Variants in MLIP observed in about 807,000 individuals in gnomAD.
MLIP encodes muscular LMNA-interacting protein.
Under a neutral mutation model 84.8 loss-of-function variants are expected in MLIP, and 79 were observed. The observed-to-expected ratio is 0.93, with a 90% CI of 0.78 to 1.12. The LOEUF (loss-of-function observed/expected upper bound fraction) is 1.12. Ranked by LOEUF, MLIP falls within the 50% of genes most tolerant of loss-of-function variation. The probability of loss-of-function intolerance (pLI) is 0.00; values close to 1 mark genes in which losing one functional copy is unlikely to be tolerated. For missense variants in MLIP, 1,257 were observed against 1,160.6 expected, an observed-to-expected ratio of 1.08 and a Z score of -1.21; for synonymous variants, 504 against 463.0, an observed-to-expected ratio of 1.09 and a Z score of -1.14.
In MLIP at chr6:54,169,509, T is replaced by A; in HGVS notation, c.2500-19T>A. 1 of 1,555,734 alleles carries A rather than the reference T, an allele frequency of 6.4e-7. No individual in the cohort carries two copies. The highest frequency in any genetic ancestry group is 8.7e-7 in the Non-Finnish European group (1 of 1,150,318). On this transcript the variant is annotated intron_variant, in intron 8 of 13. Transcript: ENST00000502396. ...TACTTTATTATTTCAGATGTATAAT[T>A]GTTTTTATTTTCATACAGACTCCTA...
At chr6:54,175,727 G>C (rs933855983) in intron 9 of MLIP, among the ~76,000 whole-genome samples, 1 of 151,792 alleles carries the variant, frequency 6.6e-6, no homozygotes, top group African/African-American at 2.4e-5. Flanking sequence ...TTCCAATTTA[G>C]GTGCCCTTTA....
intron 1 of MLIP, among the ~76,000 whole-genome samples, chr6:54,078,254 C>T (rs1460369291): frequency 6.6e-6 from 1 of 152,204 alleles, no homozygotes; most frequent in Non-Finnish European, 1.5e-5. Flanking sequence ...ATAACTTAAG[C>T]AGTTCTCTAG....
chr6:54,088,297 C>T (rs1767632860), intron 1 of MLIP, among the ~76,000 whole-genome samples: 2 of 152,030 alleles, frequency 1.3e-5, no homozygotes, highest in Non-Finnish European at 2.9e-5. Flanking sequence ...GTGGGAGCAC[C>T]AATGGATAAA....
Position 54,160,747 on chromosome 6 carries a change from C to G in MLIP, c.2447C>G (p.Ser816Cys), listed in dbSNP as rs141526731. Residue 816 changes from serine (S) to cysteine (C), a missense_variant, in exon 8 of 14, where the codon TCT becomes TGT. Coordinates refer to ENST00000502396, the MANE Select transcript of MLIP (RefSeq NM_001281747.2). ...VLQDSLSMHS[S>C]DSPSRSPKTL... ...CCTTTCTTTTTTTTTCAGCATTCTT[C>G]TGATTCTCCTTCAAGGTCCCCAAAG... 2,416 of 1,586,358 alleles carry G rather than the reference C, an allele frequency of 1.5e-3. 34 individuals carry two copies. In the African/African-American group the frequency reaches 0.027, roughly 18 times the overall value.
At chr6:54,161,573 T>C (rs2150566011) in intron 8 of MLIP, among the ~76,000 whole-genome samples, 1 of 152,042 alleles carries the variant, frequency 6.6e-6, no homozygotes, top group South Asian at 2.1e-4. Context: ...GCCTTATTTA[T>C]TTATTTCCTT....
At chr6:54,141,285 T>G (rs1772273413) in intron 4 of MLIP, among the ~76,000 whole-genome samples, 1 of 151,562 alleles carries the variant, frequency 6.6e-6, no homozygotes, top group African/African-American at 2.4e-5. Context: ...TTAGATAGGA[T>G]GGGCATCTGA....
chr6:54,210,742 A>AAAG (rs2150740708), intron 11 of MLIP, among the ~76,000 whole-genome samples: 1 of 151,884 alleles, frequency 6.6e-6, no homozygotes, highest in African/African-American at 2.4e-5. Context: ...AAAAAAAAAA[A>AAAG]AAAATGTTCT....
chr6:54,205,156 C>T (rs1778950426), intron 11 of MLIP, among the ~76,000 whole-genome samples: 1 of 152,190 alleles, frequency 6.6e-6, no homozygotes, highest in African/African-American at 2.4e-5. Context: ...CAAAACAGCT[C>T]TCAAGGGTAG....
intron 9 of MLIP, among the ~76,000 whole-genome samples, chr6:54,174,340 C>T (rs1240299043): frequency 6.6e-6 from 1 of 151,750 alleles, no homozygotes; most frequent in Non-Finnish European, 1.5e-5. Context: ...AGTGGTCGTA[C>T]TAATTGGTGG....
intron 9 of MLIP, among the ~76,000 whole-genome samples, chr6:54,180,307 GGT>G (rs1776724827): frequency 6.6e-6 from 1 of 151,810 alleles, no homozygotes; most frequent in Admixed American, 6.6e-5. Flanking sequence ...ATCTTCCTTG[GGT>G]TAAATCTTCC....
In MLIP at chr6:54,244,543, A is replaced by G. The variant is rs867078316; in HGVS notation, c.2923-12765A>G. On this transcript the variant is annotated intron_variant, in intron 12 of 13. Coordinates refer to ENST00000502396, the MANE Select transcript of MLIP (RefSeq NM_001281747.2). ...AAAAAATGAATGTCAATGAGCAGAT[A>G]TTTTAAGAGAAGTGGTTTTGCAAAA... 3.3e-4 allele frequency among the ~76,000 whole-genome samples: 51 copies of G among 152,320 alleles called. 1 individual carries two copies. Among genetic ancestry groups the G allele is most frequent in the African/African-American group, 1.1e-3 (46 of 41,572 alleles).
chr6:54,073,883 A>G (rs1766635020), intron 1 of MLIP, among the ~76,000 whole-genome samples: 1 of 152,230 alleles, frequency 6.6e-6, no homozygotes, highest in Admixed American at 6.5e-5. Flanking sequence ...TTCACTTATT[A>G]TATTTAATTA....
intron 11 of MLIP, among the ~76,000 whole-genome samples, chr6:54,219,243 A>T (rs1780057965): frequency 6.6e-6 from 1 of 151,566 alleles, no homozygotes; most frequent in South Asian, 2.1e-4. Flanking sequence ...AAAAATAAAA[A>T]TAAAAAGATA....
intron 1 of MLIP, among the ~76,000 whole-genome samples, chr6:54,081,702 C>T (rs1224011839): frequency 6.6e-6 from 1 of 152,098 alleles, no homozygotes; most frequent in African/African-American, 2.4e-5. Context: ...CGTGAGGCAC[C>T]GCGCCCGGCC....
intron 9 of MLIP, among the ~76,000 whole-genome samples, chr6:54,188,685 G>T (rs144059505): frequency 0.012 from 1,893 of 152,160 alleles, 46 homozygotes; most frequent in African/African-American, 0.042. Flanking sequence ...TCAATAACTA[G>T]AGCTTAGATA....
chr6:54,253,365 T>TA (rs1782771969), intron 12 of MLIP, among the ~76,000 whole-genome samples: 1 of 152,032 alleles, frequency 6.6e-6, no homozygotes, highest in African/African-American at 2.4e-5. Flanking sequence ...TGGTTGAACA[T>TA]AAAAGCAATC....
chr6:54,139,394 C>T (rs564462698), intron 4 of MLIP, among the ~76,000 whole-genome samples: 1 of 151,902 alleles, frequency 6.6e-6, no homozygotes, highest in South Asian at 2.1e-4. Flanking sequence ...TCAGGCCTGT[C>T]GGAAATATTT....
chr6:54,218,549 T>C (rs1780000739), intron 11 of MLIP, among the ~76,000 whole-genome samples: 2 of 152,110 alleles, frequency 1.3e-5, no homozygotes, highest in African/African-American at 4.8e-5. Context: ...AGATGGAGTC[T>C]TGCTCTGTTG....
intron 10 of MLIP, among the ~76,000 whole-genome samples, chr6:54,197,809 TAGTTC>T (rs1778404278): frequency 6.6e-6 from 1 of 152,110 alleles, no homozygotes; most frequent in South Asian, 2.1e-4. Context: ...AATCTTACAG[TAGTTC>T]AGTTTTATAG....
Sources: gnomAD v4.1 joint callset for allele counts (sites outside exome capture counted in the v4.1 genomes callset) on GRCh38, gnomAD v4.1.1 for gene constraint, MANE v1.5 for transcripts, NCBI Gene and HGNC (gene_info 2026-07-23, HGNC 2026-07-21) for gene names.